The following RGMA variants were observed in gnomAD, a reference collection of about 807,000 sequenced individuals.
RGMA encodes repulsive guidance molecule A.
A neutral mutation model predicts 23.2 loss-of-function variants in RGMA; 10 were observed. That is an observed-to-expected ratio of 0.43 (90% confidence interval 0.27 to 0.73). The LOEUF (loss-of-function observed/expected upper bound fraction) is 0.73, where lower values mean the gene tolerates loss of function less well. RGMA is among the 30% of genes least tolerant of loss of function. The probability of loss-of-function intolerance (pLI) is 0.20; values close to 1 mark genes in which losing one functional copy is unlikely to be tolerated. For synonymous variants in RGMA, 308 were observed against 279.3 expected (o/e 1.10, Z -1.03); for missense variants, 547 against 630.5 (o/e 0.87, Z 1.42).
At chr15:93,087,480 A>AAAAAAC (rs1567198095) in intron 1 of RGMA, among the ~76,000 whole-genome samples, 5 of 150,904 alleles carry the variant, frequency 3.3e-5, no homozygotes, top group African/African-American at 1.2e-4. Context: ...AAAAAAAAAA[A>AAAAAAC]AAAACCACAA....
At chr15:93,066,048 C>T (rs2141831898) in intron 2 of RGMA, 5 of 1,513,410 alleles carry the variant, frequency 3.3e-6, no homozygotes, top group Middle Eastern at 3.6e-4. Context: ...TCTCTGCCAC[C>T]ATGGGTGGTG....
intron 3 of RGMA, among the ~76,000 whole-genome samples, chr15:93,050,937 G>A (rs1014702003): frequency 2.6e-5 from 4 of 152,180 alleles, no homozygotes; most frequent in African/African-American, 9.7e-5. Flanking sequence ...TGCAGGGGCC[G>A]TGGGGGAGGT....
intron 2 of RGMA, among the ~76,000 whole-genome samples, chr15:93,059,284 C>T (rs2055064839): frequency 6.6e-6 from 1 of 152,170 alleles, no homozygotes; most frequent in Non-Finnish European, 1.5e-5. Context: ...GGGCAGTAAC[C>T]AGAAGCTTAA....
At chr15:93,073,940 G>A in intron 1 of RGMA, 1 of 1,430,692 alleles carries the variant, frequency 7.0e-7, no homozygotes, top group Non-Finnish European at 9.1e-7. Flanking sequence ...ATGGTTTGGC[G>A]CTCTCTGCGA....
At chr15:93,077,500 G>C (rs547223209) in intron 1 of RGMA, among the ~76,000 whole-genome samples, 17 of 152,228 alleles carry the variant, frequency 1.1e-4, no homozygotes, top group Non-Finnish European at 2.5e-4. Context: ...TGGGATTAAA[G>C]TCAAGCCAAG....
chr15:93,063,057 T>C (rs1895021617), intron 2 of RGMA: 2 of 152,122 alleles, frequency 1.3e-5, no homozygotes, highest in Non-Finnish European at 2.9e-5. Flanking sequence ...ACCCAGGGCG[T>C]GATCAGAACA....
intron 2 of RGMA, chr15:93,065,602 G>A (rs939244329): frequency 3.3e-5 from 26 of 798,524 alleles, no homozygotes; most frequent in Middle Eastern, 2.4e-4. Flanking sequence ...GGATGGTGGT[G>A]GCGGGGTCCC....
At chr15:93,065,809 T>C (rs1331346102) in intron 2 of RGMA, 51 of 896,214 alleles carry the variant, frequency 5.7e-5, no homozygotes, top group South Asian at 4.8e-4. Context: ...TGGGCCAGAA[T>C]TGAGGTAGGG....
chr15:93,074,627 C>T (rs1230671375), intron 1 of RGMA, among the ~76,000 whole-genome samples: 5 of 152,182 alleles, frequency 3.3e-5, no homozygotes, highest in Non-Finnish European at 7.3e-5. Context: ...ATATTTTTCC[C>T]CCAAACCAGG....
Position 93,038,566 on chromosome 15 carries a change from G to GTTTTTTTTTTTTTTTTTTTTTTTTTT in RGMA, c.*6431_*6432insAAAAAAAAAAAAAAAAAAAAAAAAAA, listed in dbSNP as rs1178389064. On this transcript the variant is annotated 3_prime_UTR_variant, in exon 4 of 4. Coordinates refer to ENST00000329082, the MANE Select transcript of RGMA (RefSeq NM_020211.3). ...ATTGCCTTAATGAACGAAACTGTTA[G>GTTTTTTTTTTTTTTTTTTTTTTTTTT]TTGTTTTTTTTTTTTTTTTGAGACG... The GTTTTTTTTTTTTTTTTTTTTTTTTTT allele has an allele frequency of 5.9e-5, 5 of 84,484 alleles. No homozygotes were observed. Among genetic ancestry groups the GTTTTTTTTTTTTTTTTTTTTTTTTTT allele is most frequent in the Admixed American group, 2.3e-4 (2 of 8,588 alleles). The allele number at this position is 84,484 out of a possible 1,614,324, so 5.2% of individuals were successfully genotyped here.
At chr15:93,059,137 GGA>G (rs202203988) in intron 2 of RGMA, among the ~76,000 whole-genome samples, 2,287 of 152,222 alleles carry the variant, frequency 0.015, 54 homozygotes, top group African/African-American at 0.052. Flanking sequence ...GGGCAGGCCT[GGA>G]GCTGTTTCTA....
intron 1 of RGMA, among the ~76,000 whole-genome samples, chr15:93,083,909 A>T (rs1232657983): frequency 6.6e-6 from 1 of 152,212 alleles, no homozygotes; most frequent in African/African-American, 2.4e-5. Flanking sequence ...GTATCAATAA[A>T]TGGGAGCCCA....
intron 2 of RGMA, among the ~76,000 whole-genome samples, chr15:93,060,181 C>G (rs971755031): frequency 6.6e-6 from 1 of 152,230 alleles, no homozygotes; most frequent in Non-Finnish European, 1.5e-5. Flanking sequence ...ACTCCAGCCA[C>G]TGAGTGTGTC....
Position 93,038,205 on chromosome 15 carries a change from A to G in RGMA, c.*6793T>C, listed in dbSNP as rs944368847. ...GAAGGTGGTGGTTTCCCAGGGGACA[A>G]TGGGAACTTCCACGGAATGAGGTCT... On this transcript the variant is annotated 3_prime_UTR_variant, in exon 4 of 4. Coordinates refer to ENST00000329082, the MANE Select transcript of RGMA (RefSeq NM_020211.3). 6 of 152,216 alleles carry G rather than the reference A, an allele frequency of 3.9e-5. No individual in the cohort carries two copies. The highest frequency in any genetic ancestry group is 8.8e-5 in the Non-Finnish European group (6 of 68,052). 9.4% of individuals were successfully genotyped at this position (152,216 alleles called of 1,614,324 possible).
intron 3 of RGMA, among the ~76,000 whole-genome samples, chr15:93,050,145 C>T (rs377438760): frequency 1.3e-5 from 2 of 152,174 alleles, no homozygotes; most frequent in African/African-American, 2.4e-5. Flanking sequence ...CAGCCTCCAT[C>T]GCCAGCTCCC....
At chr15:93,067,698 T>C (rs1470374151) in intron 2 of RGMA, among the ~76,000 whole-genome samples, 1 of 151,416 alleles carries the variant, frequency 6.6e-6, no homozygotes, top group Non-Finnish European at 1.5e-5. Flanking sequence ...AGCAAAGGGG[T>C]GACCCAGGGC....
intron 3 of RGMA, among the ~76,000 whole-genome samples, chr15:93,047,518 G>A (rs1006651427): frequency 3.3e-5 from 5 of 152,072 alleles, no homozygotes; most frequent in African/African-American, 9.7e-5. Context: ...TCCCAGGCCC[G>A]GCAACTACCC....
At chr15:93,047,111 C>G (rs7176464) in intron 3 of RGMA, among the ~76,000 whole-genome samples, 95,952 of 152,016 alleles carry the variant, frequency 0.63, 31,628 homozygotes, top group East Asian at 0.91. Flanking sequence ...TTAGACTCTG[C>G]GTTTCCAGAC....
At chr15:93,062,486 G>A (rs1057292742) in intron 2 of RGMA, among the ~76,000 whole-genome samples, 2 of 152,208 alleles carry the variant, frequency 1.3e-5, no homozygotes, top group African/African-American at 2.4e-5. Context: ...CTTGGCAGGA[G>A]GCGACATGCT....
Sources: gnomAD v4.1 joint callset for allele counts (sites outside exome capture counted in the v4.1 genomes callset) on GRCh38, gnomAD v4.1.1 for gene constraint, MANE v1.5 for transcripts, NCBI Gene and HGNC (gene_info 2026-07-23, HGNC 2026-07-21) for gene names.